The following EPCAM variants were observed in gnomAD, a reference collection of about 807,000 sequenced individuals.
The protein encoded by EPCAM is adenocarcinoma-associated antigen.
Under a neutral mutation model 40.0 loss-of-function variants are expected in EPCAM, and 39 were observed. That is an observed-to-expected ratio of 0.98 (90% CI 0.76 to 1.27). EPCAM has a LOEUF of 1.27. Ranked by LOEUF, EPCAM falls within the 50% of genes most tolerant of loss-of-function variation. The probability of loss-of-function intolerance (pLI) is 0.00; values close to 1 mark genes in which losing one functional copy is unlikely to be tolerated. For missense variants in EPCAM, 503 were observed against 381.2 expected, an observed-to-expected ratio of 1.32 and a Z score of -2.66; for synonymous variants, 168 against 132.3, an observed-to-expected ratio of 1.27 and a Z score of -1.85.
chr2:47,379,411 TTAATA>T (rs1443877786), intron 6 of EPCAM, among the ~76,000 whole-genome samples: 2 of 152,156 alleles, frequency 1.3e-5, no homozygotes, highest in Admixed American at 6.6e-5. Context: ...TGTTGAAACT[TTAATA>T]TATTATAGTG....
In EPCAM at chr2:47,369,483, C is replaced by A. The variant is rs1473074692; in HGVS notation, c.-23C>A. Reference sequence around the variant, plus strand: ...GCGAGTCCCGGGCCCCTCCCGCGCCCCTCTTCTCGGCGCGCGCGCAGCATG... The same window carrying A: ...GCGAGTCCCGGGCCCCTCCCGCGCCACTCTTCTCGGCGCGCGCGCAGCATG... On this transcript the variant is annotated 5_prime_UTR_variant, in exon 1 of 9. Coordinates refer to ENST00000263735, the MANE Select transcript of EPCAM (RefSeq NM_002354.3). The A allele has an allele frequency of 6.6e-7, 1 of 1,518,972 alleles. No homozygotes were observed. The highest frequency in any genetic ancestry group is 8.8e-7 in the Non-Finnish European group (1 of 1,137,880). The allele number at this position is 1,518,972 out of a possible 1,614,324, so 94.1% of individuals were successfully genotyped here.
chr2:47,385,475 C>T (rs528258485), intron 8 of EPCAM, among the ~76,000 whole-genome samples: 1 of 152,332 alleles, frequency 6.6e-6, no homozygotes, highest in Admixed American at 6.5e-5. Flanking sequence ...CAACATCTAA[C>T]AGAATCTTCT....
intron 1 of EPCAM, among the ~76,000 whole-genome samples, chr2:47,371,895 A>T (rs1264030503): frequency 2.0e-5 from 3 of 152,222 alleles, no homozygotes; most frequent in Non-Finnish European, 4.4e-5. Context: ...ACGAAGGATC[A>T]ATATAAAAAC....
intron 3 of EPCAM, 136 bp from the exon 4 acceptor site, chr2:47,375,097 GA>G: frequency 1.5e-6 from 1 of 659,250 alleles, no homozygotes; most frequent in Non-Finnish European, 2.8e-6. Flanking sequence ...TGTAAGGGAA[GA>G]AATTATAGGA....
At chr2:47,377,152 G>GAA in intron 5 of EPCAM, 75 bp downstream of exon 5, 2 of 984,712 alleles carry the variant, frequency 2.0e-6, no homozygotes, top group Non-Finnish European at 3.3e-6. Flanking sequence ...GACAGCCAGT[G>GAA]ATTTAAGTGG....
chr2:47,369,348 C>T lies in EPCAM; in HGVS notation c.-158C>T, dbSNP rs1009909046. The T allele has an allele frequency of 4.0e-6, 5 of 1,252,612 alleles. No homozygotes were observed. The highest frequency in any genetic ancestry group is 4.2e-6 in the Non-Finnish European group (4 of 957,902). 77.6% of individuals were successfully genotyped at this position (1,252,612 alleles called of 1,614,324 possible). On this transcript the variant is annotated 5_prime_UTR_variant, in exon 1 of 9. In the 5' UTR this introduces an upstream ATG that the reference lacks. Coordinates refer to ENST00000263735, the MANE Select transcript of EPCAM (RefSeq NM_002354.3). ...TCCTTCGGCGAGCGAGCACCTTCGA[C>T]GCGGTCCGGGGACCCCCTCGTCGCT...
At chr2:47,369,973 T>G (rs1348221130) in intron 1 of EPCAM, among the ~76,000 whole-genome samples, 10 of 151,934 alleles carry the variant, frequency 6.6e-5, no homozygotes, top group Admixed American at 6.6e-4. Flanking sequence ...GGTGGCGGAG[T>G]CTTTACGACA....
Position 47,378,961 on chromosome 2 carries a change from T to G in EPCAM, c.564T>G (p.Asn188Lys). ...PKFITSILYE[N>K]NVITIDLVQN... ...TCAATTTTTTTCCCCAGTATGAGAA[T>G]AATGTTATCACTATTGATCTGGTTC... The change falls in exon 6 of 9, where the codon AAT (asparagine) becomes AAG (lysine). Residue 188 changes from asparagine to lysine, a missense_variant. By Grantham distance (94) the Asn-to-Lys change is moderately conservative (BLOSUM62 0). Coordinates refer to ENST00000263735, the MANE Select transcript of EPCAM (RefSeq NM_002354.3). 1 of 1,497,390 alleles carries G rather than the reference T, an allele frequency of 6.7e-7. No individual in the cohort carries two copies. The highest frequency in any genetic ancestry group is 9.3e-7 in the Non-Finnish European group (1 of 1,074,132). 92.8% of individuals were successfully genotyped at this position (1,497,390 alleles called of 1,614,324 possible).
rs1458063720 is a variant in EPCAM, at chr2:47,379,812, C to T, written c.701C>T (p.Thr234Ile). Reference protein sequence around the residue: ...SLFHSKKMDLTVNGEQLDLDP... With the variant: ...SLFHSKKMDLIVNGEQLDLDP... ...TTTCATTCTAAGAAAATGGACCTGA[C>T]AGTAAATGGGGAACAACTGGATCTG... is the stretch of plus-strand genomic sequence containing the variant. The change falls in exon 7 of 9, where the codon ACA becomes ATA. Residue 234 changes from threonine to isoleucine, a missense_variant. Transcript: ENST00000263735. 8 of 1,613,754 alleles carry T rather than the reference C, an allele frequency of 5.0e-6. No homozygotes were observed. Among genetic ancestry groups the T allele is most frequent in the South Asian group, 3.3e-5 (3 of 91,076 alleles).
At chr2:47,380,555 C>G (rs1455264547) in intron 7 of EPCAM, among the ~76,000 whole-genome samples, 2 of 152,138 alleles carry the variant, frequency 1.3e-5, no homozygotes, top group African/African-American at 4.8e-5. Flanking sequence ...TCAGTTGTCA[C>G]TGCAAACAAT....
At chr2:47,386,425 T>C in intron 8 of EPCAM, 147 bp from the exon 9 acceptor site, 2 of 615,194 alleles carry the variant, frequency 3.3e-6, no homozygotes, top group South Asian at 2.7e-5. Flanking sequence ...TATAACTTTT[T>C]CTTTTTTTAT....
chr2:47,370,061 G>C (rs1050675654), intron 1 of EPCAM, among the ~76,000 whole-genome samples: 3 of 152,224 alleles, frequency 2.0e-5, no homozygotes, highest in African/African-American at 7.2e-5. Flanking sequence ...CCCGCAGGGA[G>C]GCCTCCAGGG....
rs959607406 is a variant in EPCAM at position 47,369,370 on chromosome 2, C to G, written c.-136C>G. The G allele has an allele frequency of 1.3e-5, 15 of 1,193,884 alleles. No individual in the cohort carries two copies. In the African/African-American group the frequency reaches 1.6e-4, roughly 13 times the overall value. 74.0% of individuals were successfully genotyped at this position (1,193,884 alleles called of 1,614,324 possible). ...CGACGCGGTCCGGGGACCCCCTCGTCGCTGTCCTCCCGACGCGGACCCGCG... is the reference window on the plus strand; with the variant it reads ...CGACGCGGTCCGGGGACCCCCTCGTGGCTGTCCTCCCGACGCGGACCCGCG... On this transcript the variant is annotated 5_prime_UTR_variant, in exon 1 of 9. Transcript: ENST00000263735.
chr2:47,377,121 A>C lies in EPCAM; in HGVS notation c.555+44A>C, dbSNP rs760391956. 7 of 1,289,234 alleles carry C rather than the reference A, an allele frequency of 5.4e-6. No individual in the cohort carries two copies. In the Admixed American group the frequency reaches 1.2e-4, roughly 22 times the overall value. The allele number at this position is 1,289,234 out of a possible 1,614,324, so 79.9% of individuals were successfully genotyped here. A position where few individuals can be genotyped will look rare whatever the true frequency, so the allele number is the denominator to read the frequency against. On this transcript the variant is annotated intron_variant, in intron 5 of 8. Coordinates refer to ENST00000263735, the MANE Select transcript of EPCAM (RefSeq NM_002354.3). ...TGAGCTTTAGCAGACAGTTGGTGAGACAGTATGTTTTGAGTATAAGGACAG... is the reference window on the plus strand; with the variant it reads ...TGAGCTTTAGCAGACAGTTGGTGAGCCAGTATGTTTTGAGTATAAGGACAG...
intron 3 of EPCAM, among the ~76,000 whole-genome samples, chr2:47,374,977 C>G (rs750474470): frequency 1.3e-5 from 2 of 152,154 alleles, no homozygotes; most frequent in Non-Finnish European, 2.9e-5. Flanking sequence ...CAGGGCATGA[C>G]ACTGCCAGCT....
At chr2:47,373,380 A>G (rs1182593457) in intron 1 of EPCAM, 83 bp from the exon 2 acceptor site, 9 of 873,028 alleles carry the variant, frequency 1.0e-5, no homozygotes, top group Admixed American at 2.1e-5. Flanking sequence ...AACTTTAGGC[A>G]TTATTATTAC....
rs112123153 is a variant in EPCAM, at chr2:47,371,368, C to T, written c.76+1787C>T. ...CTCCATTTCCCAGGCTCAAGCGATG[C>T]TCTTACTTGGACCTCCCAAAGTGCT... On this transcript the variant is annotated intron_variant, in intron 1 of 8. Transcript: ENST00000263735. Among the ~76,000 whole-genome samples the T allele has an allele frequency of 3.9e-4, 59 of 151,112 alleles. No homozygotes were observed. The Middle Eastern group carries it at 0.011, about 27-fold the overall frequency.
In EPCAM at chr2:47,373,583, T is replaced by A; in HGVS notation, c.184+13T>A. On this transcript the variant is annotated intron_variant, in intron 2 of 8. Transcript: ENST00000263735. The stretch of plus-strand genomic sequence containing the variant: ...ATTTGCTCAAAGCGTGAGTAAAATA[T>A]CCTAATTACCTGTAAGCTTTATTTT... 1 of 1,576,728 alleles carries A rather than the reference T, an allele frequency of 6.3e-7. No homozygotes were observed. The highest frequency in any genetic ancestry group is 8.7e-7 in the Non-Finnish European group (1 of 1,146,168).
At chr2:47,381,291 G>A (rs1671581699) in intron 7 of EPCAM, among the ~76,000 whole-genome samples, 1 of 150,884 alleles carries the variant, frequency 6.6e-6, no homozygotes. Context: ...AGCTACTCAG[G>A]AGGCTGAGGC....
Sources: gnomAD v4.1 joint callset for allele counts (sites outside exome capture counted in the v4.1 genomes callset) on GRCh38, gnomAD v4.1.1 for gene constraint, MANE v1.5 for transcripts, NCBI Gene and HGNC (gene_info 2026-07-23, HGNC 2026-07-21) for gene names.